PRKCE: variants seen among roughly 807,000 people sequenced by gnomAD.
PRKCE encodes the protein protein kinase C epsilon.
Under a neutral mutation model 85.4 loss-of-function variants are expected in PRKCE, and 16 were observed. The observed-to-expected ratio is 0.19, with a 90% CI of 0.13 to 0.28. The LOEUF is 0.28. Among genes scored for constraint, PRKCE ranks in the 10% least tolerant of loss-of-function variants. The pLI, the probability that PRKCE is intolerant of heterozygous loss-of-function variation, is 1.00. For synonymous variants in PRKCE, 388 were observed against 371.5 expected (o/e 1.04, Z -0.51); for missense variants, 573 against 975.2 (o/e 0.59, Z 5.49).
chr2:46,049,974 T>A (rs1249689731), intron 10 of PRKCE, among the ~76,000 whole-genome samples: 1 of 152,140 alleles, frequency 6.6e-6, no homozygotes, highest in Non-Finnish European at 1.5e-5. Flanking sequence ...CCATGGCCAG[T>A]GTAGAAGGCT....
intron 1 of PRKCE, among the ~76,000 whole-genome samples, chr2:45,785,995 G>A (rs1278798382): frequency 1.3e-5 from 2 of 152,144 alleles, no homozygotes; most frequent in African/African-American, 2.4e-5. Flanking sequence ...GGGTTCTGCT[G>A]CAGTCATGCT....
rs371203280 is a variant in PRKCE, at chr2:45,760,640, G to T, written c.349-82360G>T. 5.5e-4 allele frequency among the ~76,000 whole-genome samples: 84 copies of T among 152,316 alleles called. 1 individual carries two copies. In the South Asian group the frequency reaches 0.016, roughly 28 times the overall value. ...TGGCTTTTAGGGGCTCTGGCTTGATGTAAAATTAACTTAGAATCATTTTCT... is the reference window on the plus strand; with the variant it reads ...TGGCTTTTAGGGGCTCTGGCTTGATTTAAAATTAACTTAGAATCATTTTCT... On this transcript the variant is annotated intron_variant, in intron 1 of 14. Transcript: ENST00000306156.
chr2:46,006,470 A>G (rs545944475), intron 8 of PRKCE, among the ~76,000 whole-genome samples: 1 of 146,466 alleles, frequency 6.8e-6, no homozygotes, highest in South Asian at 2.2e-4. Context: ...GGATTCCTTG[A>G]GTAAGCCCTT....
At chr2:45,805,698 G>C (rs1688190794) in intron 1 of PRKCE, among the ~76,000 whole-genome samples, 1 of 151,300 alleles carries the variant, frequency 6.6e-6, no homozygotes, top group South Asian at 2.1e-4. Flanking sequence ...CCGGGTTAAA[G>C]TGATTCTCCT....
At chr2:46,147,395 C>T (rs903588097) in intron 12 of PRKCE, among the ~76,000 whole-genome samples, 2 of 152,178 alleles carry the variant, frequency 1.3e-5, no homozygotes, top group Non-Finnish European at 2.9e-5. Flanking sequence ...CAGAGCCTAA[C>T]AGTTGACAGC....
chr2:46,076,730 G>C (rs1668588119), intron 10 of PRKCE, among the ~76,000 whole-genome samples: 1 of 152,136 alleles, frequency 6.6e-6, no homozygotes, highest in Admixed American at 6.5e-5. Flanking sequence ...TTTACCAAAA[G>C]TGGGATGGAC....
chr2:45,733,202 G>A (rs1681740285), intron 1 of PRKCE, among the ~76,000 whole-genome samples: 1 of 152,232 alleles, frequency 6.6e-6, no homozygotes, highest in African/African-American at 2.4e-5. Context: ...TGAGCTTGAT[G>A]CAGGCAGAGA....
chr2:46,010,039 T>C (rs1273860965), intron 9 of PRKCE, among the ~76,000 whole-genome samples: 1 of 152,208 alleles, frequency 6.6e-6, no homozygotes, highest in East Asian at 1.9e-4. Flanking sequence ...GTAGTAACTA[T>C]TAGAATGTAG....
chr2:45,872,789 T>G (rs568076140), intron 2 of PRKCE, among the ~76,000 whole-genome samples: 1 of 152,282 alleles, frequency 6.6e-6, no homozygotes, highest in South Asian at 2.1e-4. Context: ...ATTTCAAATT[T>G]GAGATGTCTA....
chr2:45,885,770 C>T (rs1055708977), intron 2 of PRKCE, among the ~76,000 whole-genome samples: 18 of 152,210 alleles, frequency 1.2e-4, no homozygotes, highest in South Asian at 2.1e-4. Context: ...GTTTCTCTTA[C>T]AGTTAAAAAC....
intron 1 of PRKCE, among the ~76,000 whole-genome samples, chr2:45,789,665 C>A (rs1686885512): frequency 1.3e-5 from 2 of 152,166 alleles, no homozygotes; most frequent in African/African-American, 2.4e-5. Flanking sequence ...CAGGGATTCT[C>A]AACCCTCAGC....
At chr2:46,094,269 T>C (rs10167903) in intron 11 of PRKCE, among the ~76,000 whole-genome samples, 109,337 of 151,800 alleles carry the variant, frequency 0.72, 40,821 homozygotes, top group East Asian at 0.89. Context: ...CCAGTATTCC[T>C]TGCCTTCCTC....
intron 1 of PRKCE, among the ~76,000 whole-genome samples, chr2:45,661,232 G>T (rs912066548): frequency 6.6e-5 from 10 of 152,166 alleles, no homozygotes; most frequent in Non-Finnish European, 1.3e-4. Context: ...GCCCAGGCTG[G>T]AGTGCAGTGG....
intron 10 of PRKCE, among the ~76,000 whole-genome samples, chr2:46,072,806 G>C (rs148778671): frequency 3.9e-4 from 60 of 152,288 alleles, no homozygotes; most frequent in African/African-American, 1.4e-3. Context: ...GTCCATCAGT[G>C]TGCTGGGATA....
chr2:46,069,861 G>T (rs369086616), intron 10 of PRKCE, among the ~76,000 whole-genome samples: 1 of 152,088 alleles, frequency 6.6e-6, no homozygotes, highest in Non-Finnish European at 1.5e-5. Context: ...CAATTCTAGC[G>T]GTCACCTATT....
chr2:45,801,162 A>G (rs1687837372), intron 1 of PRKCE, among the ~76,000 whole-genome samples: 1 of 152,146 alleles, frequency 6.6e-6, no homozygotes, highest in African/African-American at 2.4e-5. Context: ...TGTTGAGAAG[A>G]GTTAGCCACA....
At chr2:46,026,607 A>G (rs1054215775) in intron 10 of PRKCE, among the ~76,000 whole-genome samples, 3 of 152,152 alleles carry the variant, frequency 2.0e-5, no homozygotes, top group African/African-American at 7.2e-5. Flanking sequence ...TATCCAAGAG[A>G]ACAGAATGAA....
intron 1 of PRKCE, among the ~76,000 whole-genome samples, chr2:45,693,653 T>C (rs1359840771): frequency 2.0e-5 from 3 of 152,092 alleles, no homozygotes; most frequent in Non-Finnish European, 4.4e-5. Flanking sequence ...GAGAGGCTGG[T>C]CTCAAGAAAA....
intron 11 of PRKCE, among the ~76,000 whole-genome samples, chr2:46,097,481 C>T (rs1670808290): frequency 1.4e-5 from 2 of 147,954 alleles, no homozygotes; most frequent in South Asian, 4.3e-4. Flanking sequence ...GATCACACCA[C>T]TGCATTCCAG....
Sources: gnomAD v4.1 joint callset for allele counts (sites outside exome capture counted in the v4.1 genomes callset) on GRCh38, gnomAD v4.1.1 for gene constraint, MANE v1.5 for transcripts, NCBI Gene and HGNC (gene_info 2026-07-23, HGNC 2026-07-21) for gene names.